Variants in DSCAML1 observed in about 807,000 individuals in gnomAD.
The protein encoded by DSCAML1 is DS cell adhesion molecule like 1.
DSCAML1 carries 38 observed loss-of-function variants against 200.5 expected under a neutral mutation model. The ratio of observed to expected loss-of-function variants is 0.19; its 90% CI spans 0.15 to 0.25. The LOEUF (loss-of-function observed/expected upper bound fraction) is 0.25. Among genes scored for constraint, DSCAML1 ranks in the 10% least tolerant of loss-of-function variants. The pLI, the probability that DSCAML1 is intolerant of heterozygous loss-of-function variation, is 1.00. For synonymous variants in DSCAML1, 1,215 were observed against 1,165.0 expected (o/e 1.04, Z -0.87); for missense variants, 2,223 against 2,858.8 (o/e 0.78, Z 5.07).
intron 1 of DSCAML1, among the ~76,000 whole-genome samples, chr11:117,788,313 G>C (rs558122210): frequency 6.6e-6 from 1 of 152,110 alleles, no homozygotes; most frequent in South Asian, 2.1e-4. Context: ...TTGTTGTTTT[G>C]TTTTTGTTTT....
At chr11:117,787,692 ATTAAC>A (rs1311247510) in intron 1 of DSCAML1, among the ~76,000 whole-genome samples, 1 of 152,190 alleles carries the variant, frequency 6.6e-6, no homozygotes, top group Non-Finnish European at 1.5e-5. Flanking sequence ...CACCACATTA[ATTAAC>A]TTAATTTGGA....
intron 3 of DSCAML1, among the ~76,000 whole-genome samples, chr11:117,597,741 C>A (rs1386874304): frequency 6.6e-6 from 1 of 152,148 alleles, no homozygotes; most frequent in Non-Finnish European, 1.5e-5. Flanking sequence ...CAGGCGTGAA[C>A]CACCACACCT....
At chr11:117,513,307 A>T (rs1475407102) in intron 8 of DSCAML1, among the ~76,000 whole-genome samples, 1 of 152,182 alleles carries the variant, frequency 6.6e-6, no homozygotes, top group Non-Finnish European at 1.5e-5. Context: ...TGGGCAGAGA[A>T]AGTGGCCAGG....
intron 13 of DSCAML1, 76 bp downstream of exon 13, chr11:117,481,098 T>C: frequency 5.0e-6 from 7 of 1,396,666 alleles, no homozygotes; most frequent in Non-Finnish European, 7.1e-6. Context: ...TGGCCCCTGC[T>C]CTTTGAGGTG....
chr11:117,797,224 C>T (rs1468740519), upstream of DSCAML1: 1 of 1,481,764 alleles, frequency 6.7e-7, no homozygotes, highest in East Asian at 3.0e-5. Context: ...GCTGCGGCGG[C>T]GGCTCCTCCC....
Position 117,505,575 on chromosome 11 carries a change from G to A in DSCAML1, c.1941C>T (p.Ser647=), listed in dbSNP as rs747249591. The change falls in exon 9 of 33, where the codon AGC becomes AGT. Residue 647 remains serine, a synonymous_variant. Coordinates refer to ENST00000651296, the MANE Select transcript of DSCAML1 (RefSeq NM_020693.4). This position sits in a 1 kb window ranked among gnomAD's most constrained non-coding sequence, Gnocchi z 6.7. ...IISGSGVTIE[S]KEFMSSLQIS... is the part of the protein sequence containing the mutation. Reference sequence around the variant, plus strand: ...TCTGCAGGGAGCTCATGAATTCCTTGCTCTCGATGGTCACGCCCGAGCCTG... The same window carrying A: ...TCTGCAGGGAGCTCATGAATTCCTTACTCTCGATGGTCACGCCCGAGCCTG... The A allele has an allele frequency of 1.2e-5, 20 of 1,613,642 alleles. No homozygotes were observed. Among genetic ancestry groups the A allele is most frequent in the Non-Finnish European group, 1.5e-5 (18 of 1,180,032 alleles).
chr11:117,692,452 A>G (rs907547497), intron 3 of DSCAML1, among the ~76,000 whole-genome samples: 2 of 151,988 alleles, frequency 1.3e-5, no homozygotes, highest in African/African-American at 4.8e-5. Flanking sequence ...CACACTCAGG[A>G]TAGGGCTCTG....
chr11:117,512,645 C>T (rs61905340), intron 8 of DSCAML1, among the ~76,000 whole-genome samples: 1,994 of 17,104 alleles, frequency 0.12, 17 homozygotes, highest in African/African-American at 0.18. Flanking sequence ...AGCGTGTGTA[C>T]ACACACACAC....
chr11:117,501,351 G>GC (rs2049390520), intron 11 of DSCAML1, among the ~76,000 whole-genome samples: 1 of 152,056 alleles, frequency 6.6e-6, no homozygotes, highest in Admixed American at 6.6e-5. Flanking sequence ...CTTCCACCCC[G>GC]CCCCCCGACA....
chr11:117,777,529 A>G (rs1354754829), intron 2 of DSCAML1, among the ~76,000 whole-genome samples: 1 of 152,228 alleles, frequency 6.6e-6, no homozygotes, highest in East Asian at 1.9e-4. Flanking sequence ...GCTTACAAGG[A>G]CAAAGGGAGA....
intron 3 of DSCAML1, among the ~76,000 whole-genome samples, chr11:117,681,945 C>T (rs751418162): frequency 5.3e-5 from 8 of 152,180 alleles, no homozygotes; most frequent in East Asian, 1.9e-4. Flanking sequence ...TCCACATCCC[C>T]GCTTGGGAAC....
chr11:117,621,965 T>C (rs1398396033), intron 3 of DSCAML1, among the ~76,000 whole-genome samples: 1 of 152,184 alleles, frequency 6.6e-6, no homozygotes, highest in African/African-American at 2.4e-5. Flanking sequence ...TTTCTATACA[T>C]TGAAATATTA....
intron 3 of DSCAML1, among the ~76,000 whole-genome samples, chr11:117,772,056 G>A (rs1329540291): frequency 6.6e-6 from 1 of 152,084 alleles, no homozygotes; most frequent in Non-Finnish European, 1.5e-5. Context: ...CTGTCTGCCC[G>A]GCAGGCCTAT....
At chr11:117,772,458 T>C (rs1328004916) in intron 3 of DSCAML1, among the ~76,000 whole-genome samples, 2 of 152,152 alleles carry the variant, frequency 1.3e-5, no homozygotes, top group African/African-American at 4.8e-5. Flanking sequence ...AGTATCCCCA[T>C]TTGCATGGAC....
chr11:117,754,131 G>A (rs566753666), intron 3 of DSCAML1, among the ~76,000 whole-genome samples: 6 of 152,276 alleles, frequency 3.9e-5, no homozygotes, highest in East Asian at 3.9e-4. Context: ...AATGGGGAGG[G>A]GGGTAGAAAG....
At chr11:117,637,368 C>T (rs868160738) in intron 3 of DSCAML1, among the ~76,000 whole-genome samples, 10 of 141,230 alleles carry the variant, frequency 7.1e-5, no homozygotes, top group African/African-American at 1.3e-4. Context: ...TTTTTTGAGA[C>T]GGAGTCTTGC....
rs1284086928 is a variant in DSCAML1 at position 117,642,352 on chromosome 11, G to A, written c.512-109830C>T. ...TCTTTTTTTTTCTTGCTTGAGCTCT[G>A]GTCCTATGTGCAAAAATTTGCCCTT... On this transcript the variant is annotated intron_variant, in intron 3 of 32. Transcript: ENST00000651296. The surrounding 1 kb of genome is among the most constrained non-coding windows in gnomAD (Gnocchi z 4.1). Among the ~76,000 whole-genome samples, 1 of 151,774 alleles carries A rather than the reference G, an allele frequency of 6.6e-6. No homozygotes were observed. Among genetic ancestry groups the A allele is most frequent in the Non-Finnish European group, 1.5e-5 (1 of 67,966 alleles).
Position 117,539,606 on chromosome 11 carries a change from C to CAAAAAAAAAAAAAAAAAAAAAAAAA in DSCAML1, c.512-7085_512-7084insTTTTTTTTTTTTTTTTTTTTTTTTT, listed in dbSNP as rs35130897. Among the ~76,000 whole-genome samples the CAAAAAAAAAAAAAAAAAAAAAAAAA allele has an allele frequency of 7.4e-4, 39 of 52,598 alleles. 1 individual carries two copies. The highest frequency in any genetic ancestry group is 1.0e-3 in the Non-Finnish European group (28 of 28,100). 34.5% of individuals were successfully genotyped at this position (52,598 alleles called of 152,430 possible). A position where few individuals can be genotyped will look rare whatever the true frequency, so the allele number is the denominator to read the frequency against. On this transcript the variant is annotated intron_variant, in intron 3 of 32. Coordinates refer to ENST00000651296, the MANE Select transcript of DSCAML1 (RefSeq NM_020693.4). ...CTGGGCAACAAGAGTAAAACTCTGTCAAAAAAAAAAAAAAAAAAAAAAAAG... is the reference window on the plus strand; with the variant it reads ...CTGGGCAACAAGAGTAAAACTCTGTCAAAAAAAAAAAAAAAAAAAAAAAAAAAAAAAAAAAAAAAAAAAAAAAAAG...
In DSCAML1 at chr11:117,480,402, C is replaced by T. The variant is rs1462310227; in HGVS notation, c.2785+41G>A. 1 of 1,609,982 alleles carries T rather than the reference C, an allele frequency of 6.2e-7. No individual in the cohort carries two copies. Among genetic ancestry groups the T allele is most frequent in the Non-Finnish European group, 8.5e-7 (1 of 1,178,310 alleles). ...AGGCAGGACACGTGGCACAAGGGGC[C>T]ATGGCAGGCCACGCTGTCACCCTCC... On this transcript the variant is annotated intron_variant, in intron 14 of 32. Transcript: ENST00000651296. This position sits in a 1 kb window ranked among gnomAD's most constrained non-coding sequence, Gnocchi z 4.1.
Sources: allele counts gnomAD v4.1 joint callset (sites outside exome capture counted in the v4.1 genomes callset), GRCh38; gene constraint gnomAD v4.1.1; non-coding constraint Gnocchi (gnomAD v3.1); transcripts MANE v1.5; gene names NCBI Gene and HGNC (gene_info 2026-07-23, HGNC 2026-07-21).